Variants in PHACTR1 observed in about 807,000 individuals in gnomAD.
The protein encoded by PHACTR1 is RPEL repeat containing 1.
Under a neutral mutation model 69.2 loss-of-function variants are expected in PHACTR1, and 16 were observed. That is an observed-to-expected ratio of 0.23 (90% CI 0.16 to 0.35). PHACTR1 has a LOEUF of 0.35. Among genes scored for constraint, PHACTR1 ranks in the 10% least tolerant of loss-of-function variants. PHACTR1 has a pLI of 1.00. For missense variants in PHACTR1, 510 were observed against 734.7 expected (o/e 0.69, Z 3.54); for synonymous variants, 312 against 284.5 (o/e 1.10, Z -0.97).
intron 4 of PHACTR1, among the ~76,000 whole-genome samples, chr6:12,906,771 G>A (rs1055302573): frequency 1.3e-5 from 2 of 152,166 alleles, no homozygotes; most frequent in African/African-American, 4.8e-5. Context: ...CACTCTCAGT[G>A]AAGCTTTCCA....
intron 4 of PHACTR1, among the ~76,000 whole-genome samples, chr6:13,052,694 C>A (rs1806139521): frequency 6.6e-6 from 1 of 152,100 alleles, no homozygotes; most frequent in Non-Finnish European, 1.5e-5. Flanking sequence ...TAAAGATACC[C>A]CCAGCTCTCA....
intron 4 of PHACTR1, among the ~76,000 whole-genome samples, chr6:12,972,071 C>A (rs1438272644): frequency 6.6e-6 from 1 of 152,164 alleles, no homozygotes; most frequent in Non-Finnish European, 1.5e-5. Context: ...CTACCGATAC[C>A]TTTTACTATA....
intron 4 of PHACTR1, among the ~76,000 whole-genome samples, chr6:12,911,835 T>C (rs1188025139): frequency 6.6e-6 from 1 of 152,166 alleles, no homozygotes; most frequent in Admixed American, 6.5e-5. Flanking sequence ...AGCTAAGTCT[T>C]CTCCACCACC....
In PHACTR1 at chr6:12,866,475, G is replaced by T. The variant is rs78903616; in HGVS notation, c.250+116685G>T. ...CATCCATTTCTCTCTCCCTGAAAAA[G>T]AATGGAAAAGTTTCAAGAATTTTCC... On this transcript the variant is annotated intron_variant, in intron 4 of 14. Coordinates refer to ENST00000332995, the MANE Select transcript of PHACTR1 (RefSeq NM_030948.6). Among the ~76,000 whole-genome samples, 8 of 151,878 alleles carry T rather than the reference G, an allele frequency of 5.3e-5. No individual in the cohort carries two copies. The East Asian group carries it at 1.6e-3, about 29-fold the overall frequency.
chr6:12,843,116 T>A (rs370622244), intron 4 of PHACTR1, among the ~76,000 whole-genome samples: 3 of 152,214 alleles, frequency 2.0e-5, no homozygotes, highest in Non-Finnish European at 2.9e-5. Flanking sequence ...CTCTTTTCTC[T>A]TGTTAAAATT....
At chr6:13,281,114 T>G in intron 12 of PHACTR1, 1 of 1,289,494 alleles carries the variant, frequency 7.8e-7, no homozygotes, top group African/African-American at 1.5e-5. Flanking sequence ...AAACAGCCCC[T>G]GACCTGCAGC....
At chr6:12,849,546 A>T (rs1442878627) in intron 4 of PHACTR1, among the ~76,000 whole-genome samples, 4 of 152,178 alleles carry the variant, frequency 2.6e-5, no homozygotes, top group African/African-American at 9.7e-5. Context: ...TGTAGGTCAG[A>T]CAGCCTGGGG....
intron 4 of PHACTR1, among the ~76,000 whole-genome samples, chr6:12,838,173 G>A (rs910275279): frequency 4.6e-5 from 7 of 152,164 alleles, no homozygotes; most frequent in East Asian, 1.9e-4. Flanking sequence ...GTGACAGCCC[G>A]TCCCCGTGGC....
intron 4 of PHACTR1, among the ~76,000 whole-genome samples, chr6:12,943,602 A>G (rs1456911871): frequency 1.3e-5 from 2 of 152,194 alleles, no homozygotes; most frequent in Non-Finnish European, 2.9e-5. Flanking sequence ...GGGTTCATAG[A>G]TGTGTAAGAC....
At chr6:12,727,144 G>T (rs1762896179) in intron 3 of PHACTR1, among the ~76,000 whole-genome samples, 1 of 152,060 alleles carries the variant, frequency 6.6e-6, no homozygotes, top group Non-Finnish European at 1.5e-5. Context: ...CCTCCTAACT[G>T]CCCACTCATT....
At chr6:12,971,722 G>T (rs1448405488) in intron 4 of PHACTR1, among the ~76,000 whole-genome samples, 1 of 152,140 alleles carries the variant, frequency 6.6e-6, no homozygotes, top group Admixed American at 6.5e-5. Context: ...ATACAATTTT[G>T]CAAATATGCT....
At chr6:12,944,906 C>T (rs543413660) in intron 4 of PHACTR1, among the ~76,000 whole-genome samples, 107 of 151,990 alleles carry the variant, frequency 7.0e-4, no homozygotes, top group African/African-American at 2.5e-3. Flanking sequence ...CTTCAGCCTC[C>T]CGAGTAGCTG....
chr6:12,898,563 A>T (rs1199274920), intron 4 of PHACTR1, among the ~76,000 whole-genome samples: 1 of 152,226 alleles, frequency 6.6e-6, no homozygotes, highest in Admixed American at 6.5e-5. Context: ...TAAATGTCTC[A>T]GACATATCTG....
chr6:13,018,439 G>T (rs1800486181), intron 4 of PHACTR1, among the ~76,000 whole-genome samples: 1 of 152,110 alleles, frequency 6.6e-6, no homozygotes. Flanking sequence ...GATTCAATGA[G>T]ATATTTGGTA....
At chr6:12,736,619 AAAGT>A (rs1007623893) in intron 3 of PHACTR1, among the ~76,000 whole-genome samples, 23 of 152,360 alleles carry the variant, frequency 1.5e-4, no homozygotes, top group African/African-American at 5.5e-4. Flanking sequence ...GAAAAACTTA[AAAGT>A]AAGGATGGGG....
At chr6:12,837,818 C>T (rs1191203021) in intron 4 of PHACTR1, among the ~76,000 whole-genome samples, 2 of 152,244 alleles carry the variant, frequency 1.3e-5, no homozygotes, top group Admixed American at 1.3e-4. Context: ...GTGTATTAGT[C>T]TTCCAGTGCT....
At chr6:12,759,695 C>T (rs1293265640) in intron 4 of PHACTR1, among the ~76,000 whole-genome samples, 2 of 151,984 alleles carry the variant, frequency 1.3e-5, no homozygotes, top group African/African-American at 2.4e-5. Context: ...GTCTTTTTAC[C>T]CACACAGTCA....
chr6:13,228,811 C>T (rs563289687), intron 9 of PHACTR1, among the ~76,000 whole-genome samples: 1 of 152,360 alleles, frequency 6.6e-6, no homozygotes, highest in Non-Finnish European at 1.5e-5. Context: ...GGCCCAGGGC[C>T]TCACGTCTGC....
In PHACTR1 at chr6:13,089,782, A is replaced by G. The variant is rs547385001; in HGVS notation, c.415+36253A>G. ...ATGGGCTGACACATTTATGTTGCCA[A>G]TTTTGTTGCTAGTGAATAAAACTGA... On this transcript the variant is annotated intron_variant, in intron 5 of 14. Coordinates refer to ENST00000332995, the MANE Select transcript of PHACTR1 (RefSeq NM_030948.6). 3.3e-5 allele frequency among the ~76,000 whole-genome samples: 5 copies of G among 152,314 alleles called. No individual in the cohort carries two copies. In the South Asian group the frequency reaches 6.2e-4, roughly 19 times the overall value.
Sources: allele counts gnomAD v4.1 joint callset (sites outside exome capture counted in the v4.1 genomes callset), GRCh38; gene constraint gnomAD v4.1.1; transcripts MANE v1.5; gene names NCBI Gene and HGNC (gene_info 2026-07-23, HGNC 2026-07-21).